PPP4R4: variants seen among roughly 807,000 people sequenced by gnomAD.
PPP4R4 encodes the protein protein phosphatase 4 regulatory subunit 4.
In PPP4R4, 70 loss-of-function variants were observed where a neutral mutation model predicts 121.8. That is an observed-to-expected ratio of 0.57 (90% CI 0.47 to 0.70). The LOEUF (loss-of-function observed/expected upper bound fraction) is 0.70. Ranked by LOEUF, PPP4R4 falls within the 30% of genes least tolerant of loss-of-function variation. PPP4R4 has a pLI of 0.00. For synonymous variants in PPP4R4, 348 were observed against 355.7 expected, an observed-to-expected ratio of 0.98 and a Z score of 0.24; for missense variants, 875 against 1,033.6, an observed-to-expected ratio of 0.85 and a Z score of 2.10.
chr14:94,271,158 C>G (rs903206245), intron 23 of PPP4R4, among the ~76,000 whole-genome samples: 1 of 152,144 alleles, frequency 6.6e-6, no homozygotes, highest in Non-Finnish European at 1.5e-5. Flanking sequence ...AACGGGAATA[C>G]ACCCTAACTC....
intron 13 of PPP4R4, among the ~76,000 whole-genome samples, chr14:94,246,110 A>G (rs1209059287): frequency 1.3e-5 from 2 of 152,198 alleles, no homozygotes; most frequent in Admixed American, 1.3e-4. Context: ...ATAATCTGAC[A>G]GGAAGAAGAA....
chr14:94,256,401 A>G (rs1305327042), intron 16 of PPP4R4, 59 bp from the exon 17 acceptor site: 1 of 1,398,406 alleles, frequency 7.2e-7, no homozygotes, highest in Non-Finnish European at 9.7e-7. Flanking sequence ...TTTTTGTTTT[A>G]TGTTTCTGTT....
rs557408424 is a variant in PPP4R4 at position 94,258,888 on chromosome 14, C to G, written c.2052+64C>G. 1.5e-4 allele frequency: 207 copies of G among 1,354,952 alleles called. 1 individual carries two copies. In the East Asian group the frequency reaches 4.6e-3, roughly 30 times the overall value. 83.9% of individuals were successfully genotyped at this position (1,354,952 alleles called of 1,614,324 possible). A position where few individuals can be genotyped will look rare whatever the true frequency, so the allele number is the denominator to read the frequency against. Reference sequence around the variant, plus strand: ...TTCATGCTGCTGAAAAAGACATACCCAAGACTGGGCAATTTACAAAAGAAA... The same window carrying G: ...TTCATGCTGCTGAAAAAGACATACCGAAGACTGGGCAATTTACAAAAGAAA... On this transcript the variant is annotated intron_variant, in intron 18 of 24. Transcript: ENST00000304338.
At position 94,249,609 on chromosome 14, in the gene PPP4R4, C is replaced by T. The variant is rs1417273849; in HGVS notation, c.1612-563C>T. ...TATTTATTTAGAATTAAGGTTCTGCCTAGTGGTGTGACAGAAATTGAAAGG... is the reference window on the plus strand; with the variant it reads ...TATTTATTTAGAATTAAGGTTCTGCTTAGTGGTGTGACAGAAATTGAAAGG... On this transcript the variant is annotated intron_variant, in intron 14 of 24. Coordinates refer to ENST00000304338, the MANE Select transcript of PPP4R4 (RefSeq NM_058237.2). Among the ~76,000 whole-genome samples the T allele has an allele frequency of 3.3e-5, 5 of 152,058 alleles. No homozygotes were observed. In the East Asian group the frequency reaches 9.6e-4, roughly 29 times the overall value.
At chr14:94,223,639 A>AT (rs927605018) in intron 3 of PPP4R4, among the ~76,000 whole-genome samples, 2 of 152,064 alleles carry the variant, frequency 1.3e-5, no homozygotes, top group African/African-American at 2.4e-5. Flanking sequence ...TGGAAGGGTA[A>AT]TTTTTTACTA....
rs1892648254 is a variant in PPP4R4 at position 94,241,768 on chromosome 14, G to A, written c.977-20G>A. ...TGTTTTCAATTGAAATGTTGAGCTA[G>A]TTTTTTATATTTGTTTTAGGAATTT... On this transcript the variant is annotated intron_variant, in intron 9 of 24. Coordinates refer to ENST00000304338, the MANE Select transcript of PPP4R4 (RefSeq NM_058237.2). 5.3e-6 allele frequency: 8 copies of A among 1,519,064 alleles called. No individual in the cohort carries two copies. Among genetic ancestry groups the A allele is most frequent in the Non-Finnish European group, 7.1e-6 (8 of 1,134,266 alleles). 94.1% of individuals were successfully genotyped at this position (1,519,064 alleles called of 1,614,324 possible). A position where few individuals can be genotyped will look rare whatever the true frequency, so the allele number is the denominator to read the frequency against.
chr14:94,210,317 G>C (rs983173202), intron 3 of PPP4R4, among the ~76,000 whole-genome samples: 6 of 150,496 alleles, frequency 4.0e-5, no homozygotes, highest in Admixed American at 4.0e-4. Context: ...AAGAATCAAA[G>C]TGTATAAAGA....
intron 1 of PPP4R4, chr14:94,175,827 A>G (rs1350447266): frequency 1.8e-6 from 1 of 553,672 alleles, no homozygotes; most frequent in Non-Finnish European, 3.2e-6. Context: ...CTAGAAGGAT[A>G]AAAACAGAAA....
chr14:94,181,264 AAGAG>A (rs777300735), intron 2 of PPP4R4, among the ~76,000 whole-genome samples: 2 of 151,710 alleles, frequency 1.3e-5, no homozygotes, highest in Non-Finnish European at 2.9e-5. Flanking sequence ...AAGAGAGAGG[AAGAG>A]AGAGAGATCA....
intron 11 of PPP4R4, among the ~76,000 whole-genome samples, chr14:94,243,543 C>T (rs1225341984): frequency 6.6e-6 from 1 of 152,092 alleles, no homozygotes; most frequent in African/African-American, 2.4e-5. Context: ...TTTTTCTCAT[C>T]AGTTTAATAT....
At chr14:94,227,249 A>G in intron 3 of PPP4R4, 1 of 1,529,354 alleles carries the variant, frequency 6.5e-7, no homozygotes, top group Non-Finnish European at 9.1e-7. Flanking sequence ...GCATGCACTT[A>G]AGCAATAGAG....
At chr14:94,260,293 G>T (rs1489427301) in intron 19 of PPP4R4, among the ~76,000 whole-genome samples, 1 of 151,968 alleles carries the variant, frequency 6.6e-6, no homozygotes, top group Non-Finnish European at 1.5e-5. Flanking sequence ...GGGCATGGTG[G>T]CGGGTTCCTG....
intron 3 of PPP4R4, among the ~76,000 whole-genome samples, chr14:94,210,295 C>A (rs1567116229): frequency 6.6e-6 from 1 of 150,676 alleles, no homozygotes; most frequent in Non-Finnish European, 1.5e-5. Context: ...TCATGTATAA[C>A]ATATTTATAC....
At chr14:94,219,684 A>C (rs1891278404) in intron 3 of PPP4R4, among the ~76,000 whole-genome samples, 1 of 152,236 alleles carries the variant, frequency 6.6e-6, no homozygotes, top group Non-Finnish European at 1.5e-5. Flanking sequence ...AGATTGTTTC[A>C]AAATTTAAAA....
chr14:94,180,304 G>T (rs202098178), intron 2 of PPP4R4, among the ~76,000 whole-genome samples: 1 of 152,108 alleles, frequency 6.6e-6, no homozygotes, highest in Non-Finnish European at 1.5e-5. Flanking sequence ...CATTAACTTC[G>T]TTTGCTAATA....
intron 16 of PPP4R4, among the ~76,000 whole-genome samples, chr14:94,253,744 T>C (rs1359308321): frequency 6.6e-6 from 1 of 152,216 alleles, no homozygotes; most frequent in Admixed American, 6.5e-5. Flanking sequence ...TCTATTAATT[T>C]CAGAGATCTG....
intron 3 of PPP4R4, among the ~76,000 whole-genome samples, chr14:94,216,327 C>T (rs933690423): frequency 6.6e-6 from 1 of 152,234 alleles, no homozygotes; most frequent in East Asian, 1.9e-4. Context: ...ACAAACCCCT[C>T]TTAGGATAGA....
chr14:94,237,626 A>G lies in PPP4R4; in HGVS notation c.793A>G (p.Ser265Gly), dbSNP rs1892411677. The G allele has an allele frequency of 6.2e-7, 1 of 1,612,232 alleles. No individual in the cohort carries two copies. The highest frequency in any genetic ancestry group is 1.3e-5 in the African/African-American group (1 of 74,904). The change falls in exon 8 of 25, where the codon AGC becomes GGC. Residue 265 changes from serine to glycine, a missense_variant. Physicochemically the swap from Ser to Gly is moderately conservative, Grantham distance 56. Transcript: ENST00000304338. ...ELIELSRDEGSSVRLAAFETL... is the reference protein window; with the variant it reads ...ELIELSRDEGGSVRLAAFETL... ...AATAGAACTTTCTAGGGATGAAGGC[A>G]GCAGTGTACGACTTGCAGCTTTTGA...
intron 2 of PPP4R4, among the ~76,000 whole-genome samples, chr14:94,186,502 A>G (rs754854109): frequency 6.6e-6 from 1 of 152,216 alleles, no homozygotes; most frequent in Non-Finnish European, 1.5e-5. Context: ...TCCATTCATC[A>G]GTTGATGGAC....
Sources: gnomAD v4.1 joint callset for allele counts (sites outside exome capture counted in the v4.1 genomes callset) on GRCh38, gnomAD v4.1.1 for gene constraint, MANE v1.5 for transcripts, NCBI Gene and HGNC (gene_info 2026-07-23, HGNC 2026-07-21) for gene names.